Variants in TFPI observed in about 807,000 individuals in gnomAD.
TFPI encodes anti-convertin.
In TFPI, 15 loss-of-function variants were observed where a neutral mutation model predicts 34.6. The ratio of observed to expected loss-of-function variants is 0.43; its 90% CI spans 0.29 to 0.67. The LOEUF (loss-of-function observed/expected upper bound fraction) is 0.67, where lower values mean the gene tolerates loss of function less well. Ranked by LOEUF, TFPI falls within the 30% of genes least tolerant of loss-of-function variation. TFPI has a pLI of 0.15. For synonymous variants in TFPI, 105 were observed against 120.1 expected (o/e 0.87, Z 0.82); for missense variants, 301 against 364.0 (o/e 0.83, Z 1.41).
In TFPI at chr2:187,484,174, G is replaced by A; in HGVS notation, c.578C>T (p.Ala193Val). The A allele has an allele frequency of 1.2e-6, 2 of 1,612,296 alleles. No individual in the cohort carries two copies. Among genetic ancestry groups the A allele is most frequent in the Non-Finnish European group, 1.7e-6 (2 of 1,178,790 alleles). ...TTGCGGAGTCAGGGAGTTATTCACA[G>A]CATTGAGCTGGGTTCCATAATTATC... ...QVDNYGTQLN[A>V]VNNSLTPQST... The change falls in exon 6 of 8, where the codon GCT becomes GTT. Residue 193 changes from alanine (A) to valine (V), a missense_variant. Transcript: ENST00000233156.
At chr2:187,470,272 C>G (rs751094302) in intron 6 of TFPI, among the ~76,000 whole-genome samples, 3 of 152,092 alleles carry the variant, frequency 2.0e-5, no homozygotes, top group Admixed American at 6.6e-5. Context: ...TTAGTTGTTA[C>G]GTCTAAATAG....
intron 1 of TFPI, among the ~76,000 whole-genome samples, chr2:187,521,179 G>A (rs758865088): frequency 6.6e-6 from 1 of 151,996 alleles, no homozygotes; most frequent in Non-Finnish European, 1.5e-5. Flanking sequence ...TATCCTATCT[G>A]TAAAGGTATA....
chr2:187,491,285 A>G (rs544569924), intron 3 of TFPI, among the ~76,000 whole-genome samples: 59 of 152,016 alleles, frequency 3.9e-4, no homozygotes, highest in Non-Finnish European at 7.7e-4. Flanking sequence ...ATTTTAGTGT[A>G]ACCATAACCC....
chr2:187,473,083 A>G (rs1692154025), intron 6 of TFPI, among the ~76,000 whole-genome samples: 1 of 152,202 alleles, frequency 6.6e-6, no homozygotes, highest in South Asian at 2.1e-4. Flanking sequence ...CATCATTAGA[A>G]TCATGTTAAA....
intron 1 of TFPI, among the ~76,000 whole-genome samples, chr2:187,528,978 C>T (rs1476990436): frequency 6.6e-6 from 1 of 152,152 alleles, no homozygotes; most frequent in Admixed American, 6.5e-5. Context: ...TTGATACAGG[C>T]AGTCACCATC....
chr2:187,488,034 T>G (rs1012911808), intron 4 of TFPI, among the ~76,000 whole-genome samples: 2 of 151,332 alleles, frequency 1.3e-5, no homozygotes, highest in Non-Finnish European at 3.0e-5. Flanking sequence ...TACATTAGAA[T>G]TAGAGTAAAT....
chr2:187,525,306 C>A (rs1231938677), intron 1 of TFPI, among the ~76,000 whole-genome samples: 1 of 152,038 alleles, frequency 6.6e-6, no homozygotes, highest in Admixed American at 6.6e-5. Flanking sequence ...GGACACTTCA[C>A]CATACAAAGC....
At chr2:187,482,193 T>C (rs1692914933) in intron 6 of TFPI, among the ~76,000 whole-genome samples, 1 of 152,092 alleles carries the variant, frequency 6.6e-6, no homozygotes, top group African/African-American at 2.4e-5. Context: ...GGTAAAATAA[T>C]TCAAACAAAA....
chr2:187,553,874 A>G (rs1689180758), intron 1 of TFPI, among the ~76,000 whole-genome samples: 2 of 152,252 alleles, frequency 1.3e-5, no homozygotes, highest in South Asian at 2.1e-4. Flanking sequence ...CAATTAACCA[A>G]GCACAATTAG....
At chr2:187,481,661 GA>G (rs1692868801) in intron 6 of TFPI, among the ~76,000 whole-genome samples, 2 of 144,764 alleles carry the variant, frequency 1.4e-5, no homozygotes, top group South Asian at 4.7e-4. Flanking sequence ...GAAGGGAGGG[GA>G]GGGGCGGGGA....
rs1691624127 is a variant in TFPI, at chr2:187,464,423, A to C, written c.*2513T>G. ...ACTTAATTGTGGAAAATAAAGGAAG[A>C]CAATAACATCAAGATCTTTTTCCAA... On this transcript the variant is annotated 3_prime_UTR_variant, in exon 8 of 8. Coordinates refer to ENST00000233156, the MANE Select transcript of TFPI (RefSeq NM_006287.6). 1 of 152,192 alleles carries C rather than the reference A, an allele frequency of 6.6e-6. No homozygotes were observed. Among genetic ancestry groups the C allele is most frequent in the Non-Finnish European group, 1.5e-5 (1 of 68,030 alleles). The allele number at this position is 152,192 out of a possible 1,614,324, so 9.4% of individuals were successfully genotyped here.
At chr2:187,531,987 T>C (rs560849695) in intron 1 of TFPI, among the ~76,000 whole-genome samples, 1 of 152,322 alleles carries the variant, frequency 6.6e-6, no homozygotes, top group East Asian at 1.9e-4. Flanking sequence ...CTAACTGTTC[T>C]ATTCTTTTAG....
At chr2:187,541,929 C>T (rs1037867379) in intron 1 of TFPI, among the ~76,000 whole-genome samples, 2 of 152,052 alleles carry the variant, frequency 1.3e-5, no homozygotes, top group Non-Finnish European at 2.9e-5. Context: ...ACAGAGTGTT[C>T]CAGAGGGCAA....
chr2:187,507,911 C>T (rs1442903803), intron 1 of TFPI, among the ~76,000 whole-genome samples: 1 of 152,090 alleles, frequency 6.6e-6, no homozygotes. Flanking sequence ...ATGGTATTGC[C>T]TGGGTTTTCT....
chr2:187,521,610 C>G lies in TFPI; in HGVS notation c.-2-17840G>C, dbSNP rs572448424. Reference sequence around the variant, plus strand: ...TTGAGACAGAGTCTCACTCTGTCACCCATGGTAGAGGGCAAAGGTGCAGTC... The same window carrying G: ...TTGAGACAGAGTCTCACTCTGTCACGCATGGTAGAGGGCAAAGGTGCAGTC... On this transcript the variant is annotated intron_variant, in intron 1 of 7. Coordinates refer to ENST00000233156, the MANE Select transcript of TFPI (RefSeq NM_006287.6). 6.3e-4 allele frequency among the ~76,000 whole-genome samples: 96 copies of G among 152,144 alleles called. 1 individual carries two copies. The highest frequency in any genetic ancestry group is 2.2e-3 in the African/African-American group (92 of 41,452).
intron 1 of TFPI, chr2:187,544,471 C>T (rs1215926680): frequency 6.6e-6 from 1 of 152,102 alleles, no homozygotes; most frequent in East Asian, 1.9e-4. Context: ...CACAGAGTGA[C>T]TTAAAAACAA....
At chr2:187,468,116 C>T (rs1691817024) in intron 6 of TFPI, among the ~76,000 whole-genome samples, 184 bp from the exon 7 acceptor site, 1 of 151,844 alleles carries the variant, frequency 6.6e-6, no homozygotes, top group South Asian at 2.1e-4. Flanking sequence ...ACCATGTGTC[C>T]AGTATATTGA....
At position 187,490,954 on chromosome 2, in the gene TFPI, A is replaced by T. The variant is rs527641172; in HGVS notation, c.320-2579T>A. 8.6e-5 allele frequency among the ~76,000 whole-genome samples: 13 copies of T among 151,846 alleles called. No individual in the cohort carries two copies. The East Asian group carries it at 2.3e-3, about 27-fold the overall frequency. ...TACTAATCCATTACAGTCTAGTGCC[A>T]AGTAATGTATGTCATTGTCACCTGT... is the stretch of plus-strand genomic sequence containing the variant. On this transcript the variant is annotated intron_variant, in intron 3 of 7. Transcript: ENST00000233156.
intron 1 of TFPI, among the ~76,000 whole-genome samples, chr2:187,545,060 G>A (rs374794945): frequency 4.3e-4 from 65 of 152,198 alleles, no homozygotes; most frequent in African/African-American, 1.5e-3. Flanking sequence ...GCAGTGAGCC[G>A]TGATCGTGCC....
Sources: allele counts gnomAD v4.1 joint callset (sites outside exome capture counted in the v4.1 genomes callset), GRCh38; gene constraint gnomAD v4.1.1; transcripts MANE v1.5; gene names NCBI Gene and HGNC (gene_info 2026-07-23, HGNC 2026-07-21).